FBXO11: variants seen among roughly 807,000 people sequenced by gnomAD.
FBXO11 encodes the protein F-box protein 11.
Under a neutral mutation model 117.0 loss-of-function variants are expected in FBXO11, and 13 were observed. The observed-to-expected ratio is 0.11, with a 90% CI of 0.07 to 0.18. FBXO11 has a LOEUF of 0.18. Ranked by LOEUF, FBXO11 falls within the 10% of genes least tolerant of loss-of-function variation. FBXO11 has a pLI of 1.00. For synonymous variants in FBXO11, 490 were observed against 380.5 expected (o/e 1.29, Z -3.35); for missense variants, 767 against 1,164.4 (o/e 0.66, Z 4.97).
At position 47,905,927 on chromosome 2, in the gene FBXO11, A is replaced by C. The variant is rs1276043066; in HGVS notation, c.-207T>G. Reference sequence around the variant, plus strand: ...CGGGTAGACAGACGGAGACCGAGCGAGGCCGGCCGGGAGGGCCTGACGCAC... The same window carrying C: ...CGGGTAGACAGACGGAGACCGAGCGCGGCCGGCCGGGAGGGCCTGACGCAC... On this transcript the variant is annotated 5_prime_UTR_variant, in exon 1 of 23. Coordinates refer to ENST00000403359, the MANE Select transcript of FBXO11 (RefSeq NM_001190274.2). 1.3e-5 allele frequency: 7 copies of C among 531,350 alleles called. No homozygotes were observed. Among genetic ancestry groups the C allele is most frequent in the African/African-American group, 2.0e-5 (1 of 49,386 alleles). 32.9% of individuals were successfully genotyped at this position (531,350 alleles called of 1,614,324 possible).
intron 1 of FBXO11, 104 bp downstream of exon 1, chr2:47,905,385 C>A (rs960652359): frequency 3.8e-6 from 4 of 1,065,082 alleles, no homozygotes; most frequent in Non-Finnish European, 3.5e-6. Context: ...CTCCCACCCC[C>A]AGGGCGCGCA....
chr2:47,834,908 T>TAACA (rs1558425899), intron 5 of FBXO11, 37 bp from the exon 6 acceptor site: 1 of 1,416,386 alleles, frequency 7.1e-7, no homozygotes, highest in African/African-American at 1.4e-5. Context: ...CATTGACTAC[T>TAACA]AACATAAACC....
intron 1 of FBXO11, among the ~76,000 whole-genome samples, chr2:47,900,699 CACACGTGTATATATAT>C (rs201642542): frequency 1.1e-3 from 105 of 91,620 alleles, no homozygotes; most frequent in Middle Eastern, 5.0e-3. Context: ...CACGTATACA[CACACGTGTATATATAT>C]ACACGTATAC....
At chr2:47,871,407 A>C (rs1675615110) in intron 1 of FBXO11, among the ~76,000 whole-genome samples, 1 of 152,222 alleles carries the variant, frequency 6.6e-6, no homozygotes, top group Admixed American at 6.5e-5. Flanking sequence ...GCCCTGGCCG[A>C]CAGTTTGAGT....
At chr2:47,827,346 G>C (rs1030983576) in intron 11 of FBXO11, among the ~76,000 whole-genome samples, 1 of 152,134 alleles carries the variant, frequency 6.6e-6, no homozygotes, top group Admixed American at 6.6e-5. Context: ...AGTGTCTGTC[G>C]CCCAGGCTGG....
intron 11 of FBXO11, among the ~76,000 whole-genome samples, chr2:47,832,038 T>G (rs1339570542): frequency 6.6e-6 from 1 of 152,202 alleles, no homozygotes; most frequent in Non-Finnish European, 1.5e-5. Flanking sequence ...ACAGGAATTT[T>G]CTTTAAAACA....
At chr2:47,865,979 A>G (rs1363496541) in intron 1 of FBXO11, 2 of 152,210 alleles carry the variant, frequency 1.3e-5, no homozygotes, top group African/African-American at 4.8e-5. Flanking sequence ...GGTCAGGTAC[A>G]GTGGCTCATG....
intron 1 of FBXO11, among the ~76,000 whole-genome samples, chr2:47,843,249 G>C (rs931774417): frequency 3.9e-5 from 6 of 152,138 alleles, no homozygotes; most frequent in African/African-American, 1.2e-4. Context: ...TGCTTGAAAG[G>C]AACATCAACA....
chr2:47,870,139 C>A (rs978058747), intron 1 of FBXO11, among the ~76,000 whole-genome samples: 1 of 152,216 alleles, frequency 6.6e-6, no homozygotes, highest in Non-Finnish European at 1.5e-5. Flanking sequence ...ACCATCAGCT[C>A]TCCTGAGTGT....
chr2:47,824,955 G>A (rs1445232238), intron 11 of FBXO11, among the ~76,000 whole-genome samples: 1 of 152,016 alleles, frequency 6.6e-6, no homozygotes, highest in Non-Finnish European at 1.5e-5. Context: ...TTACTTCCAT[G>A]TATTGCCTTA....
rs1485480683 is a variant in FBXO11 at position 47,901,107 on chromosome 2, A to G, written c.232+4382T>C. On this transcript the variant is annotated intron_variant, in intron 1 of 22. Transcript: ENST00000403359. ...TGTACATATATATACATATATATGTATATATGTACACACGTGTGTACATGT... is the reference window on the plus strand; with the variant it reads ...TGTACATATATATACATATATATGTGTATATGTACACACGTGTGTACATGT... 7.8e-4 allele frequency among the ~76,000 whole-genome samples: 79 copies of G among 100,882 alleles called. 4 individuals carry two copies. Among genetic ancestry groups the G allele is most frequent in the Middle Eastern group, 5.4e-3 (1 of 184 alleles). 66.2% of individuals were successfully genotyped at this position (100,882 alleles called of 152,430 possible). A position where few individuals can be genotyped will look rare whatever the true frequency, so the allele number is the denominator to read the frequency against.
At chr2:47,808,540 C>A in intron 21 of FBXO11, 113 bp from the exon 22 acceptor site, 9 of 802,048 alleles carry the variant, frequency 1.1e-5, no homozygotes, top group East Asian at 5.4e-5. Context: ...AAACAAAATT[C>A]TTTGTGGCTC....
chr2:47,891,903 C>T (rs528050591), intron 1 of FBXO11, among the ~76,000 whole-genome samples: 270 of 152,040 alleles, frequency 1.8e-3, no homozygotes, highest in Non-Finnish European at 3.3e-3. Flanking sequence ...ACTTGCTTGC[C>T]ATCTGTATGT....
chr2:47,905,553 C>G lies in FBXO11; in HGVS notation c.168G>C (p.Gln56His), dbSNP rs1459312469. Residue 56 changes from glutamine to histidine, a missense_variant, in exon 1 of 23, where the codon CAG becomes CAC. Gln to His is a conservative substitution (Grantham distance 24). Transcript: ENST00000403359. ...GAGGCGGCGGTGGCGGCGGCGGAGGCTGCTGCTGCTGCTGCTGCTGCGGCG... is the reference window on the plus strand; with the variant it reads ...GAGGCGGCGGTGGCGGCGGCGGAGGGTGCTGCTGCTGCTGCTGCTGCGGCG... ...PPPPQQQQQQ[Q>H]PPPPPPPPPP... The G allele has an allele frequency of 3.4e-6, 4 of 1,178,734 alleles. No individual in the cohort carries two copies. Among genetic ancestry groups the G allele is most frequent in the Non-Finnish European group, 3.2e-6 (3 of 944,936 alleles). The allele number at this position is 1,178,734 out of a possible 1,614,324, so 73.0% of individuals were successfully genotyped here.
chr2:47,899,518 T>A (rs982526809), intron 1 of FBXO11, among the ~76,000 whole-genome samples: 2 of 152,178 alleles, frequency 1.3e-5, no homozygotes, highest in African/African-American at 4.8e-5. Flanking sequence ...ACTTGAAAGA[T>A]CACAAAGTAA....
chr2:47,885,361 A>T (rs1676744315), intron 1 of FBXO11, among the ~76,000 whole-genome samples: 1 of 152,182 alleles, frequency 6.6e-6, no homozygotes, highest in Admixed American at 6.5e-5. Flanking sequence ...TGGGAGGCCG[A>T]GGTGAGTAAA....
intron 1 of FBXO11, among the ~76,000 whole-genome samples, chr2:47,863,400 GT>G (rs1275214565): frequency 6.6e-6 from 1 of 151,764 alleles, no homozygotes; most frequent in East Asian, 1.9e-4. Context: ...TAAACAGCTC[GT>G]TTACATGGCT....
At chr2:47,826,091 CTT>C (rs1234615639) in intron 11 of FBXO11, among the ~76,000 whole-genome samples, 1 of 152,120 alleles carries the variant, frequency 6.6e-6, no homozygotes, top group Admixed American at 6.6e-5. Flanking sequence ...CGGAGTCTCA[CTT>C]TGTCACCCAG....
chr2:47,897,600 G>A (rs1195383671), intron 1 of FBXO11, among the ~76,000 whole-genome samples: 1 of 151,380 alleles, frequency 6.6e-6, no homozygotes, highest in Non-Finnish European at 1.5e-5. Context: ...AGGAGGCTGA[G>A]GCAGGAGAAT....
Sources: gnomAD v4.1 joint callset for allele counts (sites outside exome capture counted in the v4.1 genomes callset) on GRCh38, gnomAD v4.1.1 for gene constraint, MANE v1.5 for transcripts, NCBI Gene and HGNC (gene_info 2026-07-23, HGNC 2026-07-21) for gene names.